Variants in MTMR6 observed in about 807,000 individuals in gnomAD.
MTMR6 encodes phosphatidylinositol-3,5-bisphosphate 3-phosphatase MTMR6.
A neutral mutation model predicts 80.1 loss-of-function variants in MTMR6; 47 were observed. That is an observed-to-expected ratio of 0.59 (90% CI 0.46 to 0.75). The LOEUF is 0.75. MTMR6 is among the 30% of genes least tolerant of loss of function. The probability of loss-of-function intolerance (pLI) is 0.00; values close to 1 mark genes in which losing one functional copy is unlikely to be tolerated. For missense variants in MTMR6, 629 were observed against 730.9 expected, an observed-to-expected ratio of 0.86 and a Z score of 1.61; for synonymous variants, 254 against 253.0, an observed-to-expected ratio of 1.00 and a Z score of -0.04.
At chr13:25,261,931 C>T (rs1957350877) in intron 5 of MTMR6, 129 bp from the exon 6 acceptor site, 1 of 814,910 alleles carries the variant, frequency 1.2e-6, no homozygotes, top group East Asian at 2.8e-5. Context: ...ACTTTAAGAT[C>T]CTCTTTGAAT....
intron 1 of MTMR6, among the ~76,000 whole-genome samples, chr13:25,274,459 G>A (rs1957661466): frequency 6.6e-6 from 1 of 152,038 alleles, no homozygotes; most frequent in Non-Finnish European, 1.5e-5. Context: ...AGAAACAGGG[G>A]TACAGTACAA....
chr13:25,267,489 G>C (rs901893437), intron 3 of MTMR6, among the ~76,000 whole-genome samples: 8 of 152,100 alleles, frequency 5.3e-5, no homozygotes, highest in African/African-American at 1.9e-4. Flanking sequence ...AATACATTGT[G>C]CTACTTGCCA....
rs1219166404 is a variant in MTMR6 at position 25,272,871 on chromosome 13, T to C, written c.141+1200A>G. 2.6e-5 allele frequency among the ~76,000 whole-genome samples: 4 copies of C among 152,172 alleles called. No individual in the cohort carries two copies. The East Asian group carries it at 7.7e-4, about 29-fold the overall frequency. ...CTAGGTTGATTCCATAGCTTTGCTATTGTGAACAGCGCTGCAACAAACATG... is the reference window on the plus strand; with the variant it reads ...CTAGGTTGATTCCATAGCTTTGCTACTGTGAACAGCGCTGCAACAAACATG... On this transcript the variant is annotated intron_variant, in intron 2 of 13. Transcript: ENST00000381801.
intron 7 of MTMR6, 90 bp from the exon 8 acceptor site, chr13:25,257,935 A>C (rs1423381618): frequency 8.6e-6 from 7 of 815,546 alleles, no homozygotes; most frequent in Non-Finnish European, 1.3e-5. Flanking sequence ...GTGAATGAAG[A>C]AAGAAGACAA....
chr13:25,261,539 A>C lies in MTMR6; in HGVS notation c.726+129T>G, dbSNP rs1202672971. ...TAAATAAAGGATTGATTTCCTTAGT[A>C]TCATTAGCCTTAGTTAATTTAAAAC... On this transcript the variant is annotated intron_variant, in intron 6 of 13. Coordinates refer to ENST00000381801, the MANE Select transcript of MTMR6 (RefSeq NM_004685.5). The C allele has an allele frequency of 5.2e-6, 4 of 776,450 alleles. No individual in the cohort carries two copies. In the East Asian group the frequency reaches 1.2e-4, roughly 24 times the overall value. 48.1% of individuals were successfully genotyped at this position (776,450 alleles called of 1,614,324 possible).
intron 11 of MTMR6, among the ~76,000 whole-genome samples, chr13:25,252,838 C>G (rs1354613888): frequency 6.6e-6 from 1 of 152,200 alleles, no homozygotes; most frequent in Non-Finnish European, 1.5e-5. Flanking sequence ...CCACCATTCT[C>G]TATTCACTTT....
At chr13:25,281,483 C>G (rs1220903107) in intron 1 of MTMR6, among the ~76,000 whole-genome samples, 1 of 152,042 alleles carries the variant, frequency 6.6e-6, no homozygotes, top group Non-Finnish European at 1.5e-5. Flanking sequence ...GGGAGTCACA[C>G]AAACAGAATC....
chr13:25,250,066 C>T (rs1957053352), intron 13 of MTMR6, among the ~76,000 whole-genome samples: 1 of 152,156 alleles, frequency 6.6e-6, no homozygotes, highest in South Asian at 2.1e-4. Context: ...TTATCCTGGA[C>T]TTGCCTCTCT....
At chr13:25,264,449 A>G (rs1257333784) in intron 5 of MTMR6, among the ~76,000 whole-genome samples, 1 of 152,036 alleles carries the variant, frequency 6.6e-6, no homozygotes, top group African/African-American at 2.4e-5. Flanking sequence ...ATTTAAAAGG[A>G]CATTACTGTG....
intron 1 of MTMR6, among the ~76,000 whole-genome samples, chr13:25,278,958 A>T (rs192959638): frequency 1.3e-5 from 2 of 152,310 alleles, no homozygotes; most frequent in Non-Finnish European, 2.9e-5. Flanking sequence ...TCTTTGAAGA[A>T]CATGTAGATA....
chr13:25,279,688 T>A (rs1957804125), intron 1 of MTMR6, among the ~76,000 whole-genome samples: 1 of 152,162 alleles, frequency 6.6e-6, no homozygotes, highest in African/African-American at 2.4e-5. Context: ...AAATTCCATA[T>A]TTTAAGGTGC....
At chr13:25,265,731 CAAAAA>C in intron 5 of MTMR6, 83 bp downstream of exon 5, 1 of 1,214,840 alleles carries the variant, frequency 8.2e-7, no homozygotes, top group Admixed American at 2.6e-5. Flanking sequence ...GACCCTATCT[CAAAAA>C]AAAAAAAAAA....
Position 25,274,953 on chromosome 13 carries a change from CACACACAT to C in MTMR6, c.25-774_25-767del, listed in dbSNP as rs1365814644. Among the ~76,000 whole-genome samples, 1,001 of 128,244 alleles carry C rather than the reference CACACACAT, an allele frequency of 7.8e-3. 11 individuals are homozygous for C. The highest frequency in any genetic ancestry group is 0.01 in the Non-Finnish European group (644 of 63,322). The allele number at this position is 128,244 out of a possible 152,430, so 84.1% of individuals were successfully genotyped here. On this transcript the variant is annotated intron_variant, in intron 1 of 13. Coordinates refer to ENST00000381801, the MANE Select transcript of MTMR6 (RefSeq NM_004685.5). ...ACTAGTAGACAGACACACACACACA[CACACACAT>C]ACACACACACACACACACACACACA... is the stretch of plus-strand genomic sequence containing the variant.
In MTMR6 at chr13:25,251,996, G is replaced by A. The variant is rs755746839; in HGVS notation, c.1347-12C>T. Reference sequence around the variant, plus strand: ...TCTTCTCCTTCAACCTTAATATAATGAGAAAAACACAGAGATCTTTCCTAT... The same window carrying A: ...TCTTCTCCTTCAACCTTAATATAATAAGAAAAACACAGAGATCTTTCCTAT... On this transcript the variant is annotated splice_polypyrimidine_tract_variant and intron_variant, in intron 11 of 13. Transcript: ENST00000381801. The surrounding 1 kb of genome is among the most constrained non-coding windows in gnomAD (Gnocchi z 4.1). The A allele has an allele frequency of 6.2e-7, 1 of 1,604,698 alleles. No individual in the cohort carries two copies. The highest frequency in any genetic ancestry group is 8.5e-7 in the Non-Finnish European group (1 of 1,176,854).
intron 2 of MTMR6, among the ~76,000 whole-genome samples, chr13:25,271,278 A>G (rs7336680): frequency 0.97 from 147,350 of 152,178 alleles, 71,504 homozygotes; most frequent in East Asian, 1. Flanking sequence ...CCTGATAAGC[A>G]ATGGGGCTAC....
At chr13:25,256,848 G>A (rs1277310455) in intron 9 of MTMR6, among the ~76,000 whole-genome samples, 1 of 152,044 alleles carries the variant, frequency 6.6e-6, no homozygotes, top group Non-Finnish European at 1.5e-5. Context: ...AAATGAGGGA[G>A]AAAATACTGA....
In MTMR6 at chr13:25,249,367, G is replaced by T. The variant is rs540440446; in HGVS notation, c.1731C>A (p.Pro577=). 2 of 1,614,110 alleles carry T rather than the reference G, an allele frequency of 1.2e-6. No homozygotes were observed. Among genetic ancestry groups the T allele is most frequent in the African/African-American group, 1.3e-5 (1 of 75,028 alleles). ...SLCFKEQTLL[P]VNDALRTIEG... Reference sequence around the variant, plus strand: ...CTATAGTTCGAAGAGCATCATTTACGGGTAGCAGAGTCTGCTCTTTAAAAC... The same window carrying T: ...CTATAGTTCGAAGAGCATCATTTACTGGTAGCAGAGTCTGCTCTTTAAAAC... Residue 577 remains proline (P), a synonymous_variant, in exon 14 of 14, where the codon CCC becomes CCA. Transcript: ENST00000381801.
chr13:25,287,291 T>G lies in MTMR6; in HGVS notation c.-44A>C. 2 of 1,574,780 alleles carry G rather than the reference T, an allele frequency of 1.3e-6. No individual in the cohort carries two copies. The highest frequency in any genetic ancestry group is 1.7e-6 in the Non-Finnish European group (2 of 1,163,730). On this transcript the variant is annotated 5_prime_UTR_variant, in exon 1 of 14. The change abolishes an upstream ATG in the 5' untranslated region. Transcript: ENST00000381801. The stretch of plus-strand genomic sequence containing the variant: ...GGCAGCCGGTCTCACAGGCGTACCA[T>G]ACGGCTACAGAAACAGGGCGGTGAC...
At chr13:25,252,861 C>T (rs1213460747) in intron 11 of MTMR6, among the ~76,000 whole-genome samples, 6 of 152,114 alleles carry the variant, frequency 3.9e-5, no homozygotes, top group East Asian at 1.9e-4. Context: ...ATTCCCTTTA[C>T]GCATTTTTAG....
Sources: gnomAD v4.1 joint callset for allele counts (sites outside exome capture counted in the v4.1 genomes callset) on GRCh38, gnomAD v4.1.1 for gene constraint, Gnocchi (gnomAD v3.1) non-coding constraint, MANE v1.5 for transcripts, NCBI Gene and HGNC (gene_info 2026-07-23, HGNC 2026-07-21) for gene names.